STYXL1: variants seen among roughly 807,000 people sequenced by gnomAD.
STYXL1 encodes serine/threonine/tyrosine interacting like 1.
Under a neutral mutation model 36.4 loss-of-function variants are expected in STYXL1, and 32 were observed. The ratio of observed to expected loss-of-function variants is 0.88; its 90% CI spans 0.66 to 1.18. STYXL1 has a LOEUF of 1.18. STYXL1 is among the 50% of genes most tolerant of loss of function. STYXL1 has a pLI of 0.00. For synonymous variants in STYXL1, 133 were observed against 144.1 expected, an observed-to-expected ratio of 0.92 and a Z score of 0.55; for missense variants, 354 against 394.1, an observed-to-expected ratio of 0.90 and a Z score of 0.86.
At chr7:76,007,492 G>T (rs1435951147) in intron 5 of STYXL1, among the ~76,000 whole-genome samples, 1 of 152,252 alleles carries the variant, frequency 6.6e-6, no homozygotes, top group African/African-American at 2.4e-5. Flanking sequence ...TTGTATCAGG[G>T]AGTTGAAGAT....
intron 3 of STYXL1, among the ~76,000 whole-genome samples, chr7:76,024,148 G>A (rs1554577024): frequency 6.6e-6 from 1 of 152,018 alleles, no homozygotes; most frequent in African/African-American, 2.4e-5. Context: ...AAAGTGTTGG[G>A]ATTACAGACT....
intron 4 of STYXL1, among the ~76,000 whole-genome samples, chr7:76,021,376 C>T (rs552880731): frequency 1.8e-4 from 28 of 152,228 alleles, no homozygotes; most frequent in East Asian, 9.6e-4. Flanking sequence ...CCACCGCGCC[C>T]GGCCAAGAAT....
chr7:76,008,793 G>A (rs1554571272), intron 5 of STYXL1, among the ~76,000 whole-genome samples: 1 of 152,122 alleles, frequency 6.6e-6, no homozygotes, highest in Non-Finnish European at 1.5e-5. Context: ...ATCACCTGAG[G>A]TCAGGAGTTC....
At chr7:76,032,243 T>A (rs1248200336) in intron 1 of STYXL1, among the ~76,000 whole-genome samples, 5 of 144,222 alleles carry the variant, frequency 3.5e-5, no homozygotes, top group African/African-American at 5.4e-5. Context: ...AAAAAAAAAA[T>A]TCTTAAACTA....
chr7:76,040,895 A>G lies in STYXL1; in HGVS notation c.-5+6767T>C, dbSNP rs536262169. ...GAAAAAAAAAGCTATTTATCTAAAT[A>G]TGGTTCTGTTTTAAAAATACATGTC... On this transcript the variant is annotated intron_variant, in intron 1 of 8. Transcript: ENST00000359697. Among the ~76,000 whole-genome samples, 6 of 152,246 alleles carry G rather than the reference A, an allele frequency of 3.9e-5. No homozygotes were observed. In the East Asian group the frequency reaches 7.7e-4, roughly 20 times the overall value.
chr7:76,009,451 AC>A (rs1276608586), intron 5 of STYXL1, among the ~76,000 whole-genome samples: 1 of 151,878 alleles, frequency 6.6e-6, no homozygotes, highest in East Asian at 1.9e-4. Context: ...TCACTCTGTC[AC>A]CCAGGCTGGA....
chr7:76,020,351 C>T (rs1209053792), intron 4 of STYXL1, among the ~76,000 whole-genome samples: 2 of 152,224 alleles, frequency 1.3e-5, no homozygotes, highest in Non-Finnish European at 2.9e-5. Context: ...GAACGGCACC[C>T]ACAGGTGCAG....
chr7:76,034,010 G>A (rs1455468584), intron 1 of STYXL1, among the ~76,000 whole-genome samples: 1 of 152,208 alleles, frequency 6.6e-6, no homozygotes, highest in Non-Finnish European at 1.5e-5. Flanking sequence ...CCTGCCTGGT[G>A]TATGTGGATT....
intron 3 of STYXL1, among the ~76,000 whole-genome samples, chr7:76,023,432 C>G (rs1487423328): frequency 2.6e-5 from 4 of 152,100 alleles, no homozygotes; most frequent in African/African-American, 9.7e-5. Flanking sequence ...GGTGCAGTCA[C>G]CGCTCACTGC....
chr7:76,043,213 C>T (rs1796640789), intron 1 of STYXL1, among the ~76,000 whole-genome samples: 2 of 152,108 alleles, frequency 1.3e-5, no homozygotes, highest in Non-Finnish European at 2.9e-5. Context: ...ATGATCTCGG[C>T]TCACTGCAAC....
At chr7:76,028,507 G>A in intron 3 of STYXL1, 135 bp downstream of exon 3, 1 of 766,338 alleles carries the variant, frequency 1.3e-6, no homozygotes. Flanking sequence ...GAGAGGTGTG[G>A]AAGACCACCA....
At chr7:76,027,980 A>G (rs540950136) in intron 3 of STYXL1, among the ~76,000 whole-genome samples, 2 of 152,050 alleles carry the variant, frequency 1.3e-5, no homozygotes, top group Non-Finnish European at 2.9e-5. Flanking sequence ...GGCATTCCCC[A>G]TTGTAGTCTC....
chr7:76,009,447 T>C (rs1440723788), intron 5 of STYXL1, among the ~76,000 whole-genome samples: 13 of 152,180 alleles, frequency 8.5e-5, no homozygotes, highest in Admixed American at 8.5e-4. Context: ...AGTCTCACTC[T>C]GTCACCCAGG....
At chr7:76,006,386 GC>G (rs1254222737) in intron 5 of STYXL1, among the ~76,000 whole-genome samples, 1 of 151,994 alleles carries the variant, frequency 6.6e-6, no homozygotes, top group East Asian at 1.9e-4. Context: ...CAGAAATGAA[GC>G]CAGTGTATGT....
At chr7:76,042,734 G>A (rs568966019) in intron 1 of STYXL1, among the ~76,000 whole-genome samples, 9 of 152,010 alleles carry the variant, frequency 5.9e-5, no homozygotes, top group African/African-American at 2.2e-4. Flanking sequence ...ACAGTCCAAG[G>A]GATAAGCACC....
chr7:76,041,591 TC>T (rs1554582172), intron 1 of STYXL1, among the ~76,000 whole-genome samples: 1 of 152,202 alleles, frequency 6.6e-6, no homozygotes, highest in African/African-American at 2.4e-5. Context: ...ATTCCCTGTC[TC>T]CACCACTATG....
chr7:76,031,485 T>G (rs1163710719), intron 1 of STYXL1, among the ~76,000 whole-genome samples: 3 of 151,340 alleles, frequency 2.0e-5, no homozygotes, highest in Admixed American at 2.0e-4. Context: ...GAGGCCGAGG[T>G]AGGTGGATCA....
intron 8 of STYXL1, chr7:75,998,745 A>C (rs1554565150): frequency 1.3e-5 from 2 of 152,232 alleles, no homozygotes; most frequent in Non-Finnish European, 2.9e-5. Context: ...AAAAAACCAA[A>C]AGCCGGTTCT....
In STYXL1 at chr7:76,021,894, T is replaced by C; in HGVS notation, c.264A>G (p.Leu88=). 1 of 1,613,826 alleles carries C rather than the reference T, an allele frequency of 6.2e-7. No individual in the cohort carries two copies. Among genetic ancestry groups the C allele is most frequent in the Non-Finnish European group, 8.5e-7 (1 of 1,180,008 alleles). ...AGTCTGAATCATCATCATCATCTTT[T>C]AAGAGTATCTCCAGGGTGCTGCTGT... is the stretch of plus-strand genomic sequence containing the variant. The part of the protein sequence containing the change: ...DNNSSTLEIL[L]KDDDDDSDSD... The change falls in exon 4 of 9, where the codon TTA becomes TTG. Residue 88 remains leucine (L), a synonymous_variant. Transcript: ENST00000359697.
Sources: allele counts gnomAD v4.1 joint callset (sites outside exome capture counted in the v4.1 genomes callset), GRCh38; gene constraint gnomAD v4.1.1; transcripts MANE v1.5; gene names NCBI Gene and HGNC (gene_info 2026-07-23, HGNC 2026-07-21).